The following FAT4 variants were observed in gnomAD, a reference collection of about 807,000 sequenced individuals.
The protein encoded by FAT4 is FAT atypical cadherin 4, also known as protocadherin Fat 4.
FAT4 carries 84 observed loss-of-function variants against 303.9 expected under a neutral mutation model. The ratio of observed to expected loss-of-function variants is 0.28; its 90% CI spans 0.23 to 0.33. FAT4 has a LOEUF of 0.33. Ranked by LOEUF, FAT4 falls within the 10% of genes least tolerant of loss-of-function variation. The probability of loss-of-function intolerance (pLI) is 1.00; values close to 1 mark genes in which losing one functional copy is unlikely to be tolerated. For synonymous variants in FAT4, 2,307 were observed against 2,298.8 expected, an observed-to-expected ratio of 1.00 and a Z score of -0.10; for missense variants, 6,005 against 6,146.8, an observed-to-expected ratio of 0.98 and a Z score of 0.77.
chr4:125,451,584 C>G lies in FAT4; in HGVS notation c.10574C>G (p.Pro3525Arg). ...SEGEVMENKRPGTLVMTLQST... is the reference protein window; with the variant it reads ...SEGEVMENKRRGTLVMTLQST... The stretch of plus-strand genomic sequence containing the variant: ...GGAGAAGTCATGGAAAACAAACGGC[C>G]AGGCACTTTGGTGATGACCCTTCAG... The change falls in exon 10 of 18, where the codon CCA (proline) becomes CGA (arginine). Residue 3525 changes from proline (P) to arginine (R), a missense_variant. Coordinates refer to ENST00000394329, the MANE Select transcript of FAT4 (RefSeq NM_001291303.3). 2 of 1,614,120 alleles carry G rather than the reference C, an allele frequency of 1.2e-6. No individual in the cohort carries two copies. The highest frequency in any genetic ancestry group is 1.7e-6 in the Non-Finnish European group (2 of 1,180,008).
At chr4:125,402,840 C>T (rs575818736) in intron 3 of FAT4, among the ~76,000 whole-genome samples, 2 of 151,924 alleles carry the variant, frequency 1.3e-5, no homozygotes, top group Non-Finnish European at 2.9e-5. Flanking sequence ...TTAATAAATA[C>T]ATTCTTTGAG....
In FAT4 at chr4:125,415,314, T is replaced by G. The variant is rs1233253779; in HGVS notation, c.6351T>G (p.Val2117=). 1 of 1,613,978 alleles carries G rather than the reference T, an allele frequency of 6.2e-7. No individual in the cohort carries two copies. Among genetic ancestry groups the G allele is most frequent in the Admixed American group, 1.7e-5 (1 of 60,000 alleles). Residue 2117 remains valine, a synonymous_variant, in exon 6 of 18, where the codon GTT becomes GTG. Coordinates refer to ENST00000394329, the MANE Select transcript of FAT4 (RefSeq NM_001291303.3). ...CTGGAGAACTGGACAGAGAAGAAGT[T>G]TCTAATTATACTCTAACAGTGGTGG... ...RLTGELDREE[V]SNYTLTVVAT...
chr4:125,342,384 C>T (rs1264832879), intron 2 of FAT4, among the ~76,000 whole-genome samples: 1 of 151,864 alleles, frequency 6.6e-6, no homozygotes, highest in Non-Finnish European at 1.5e-5. Flanking sequence ...GATTAGAAAG[C>T]TTTTATGGTA....
At chr4:125,331,928 A>G (rs1253596861) in intron 2 of FAT4, among the ~76,000 whole-genome samples, 2 of 152,120 alleles carry the variant, frequency 1.3e-5, no homozygotes, top group African/African-American at 4.8e-5. Flanking sequence ...TTTTGATTTA[A>G]GAGAAGCTTG....
chr4:125,393,377 G>A (rs1560795339), intron 2 of FAT4, among the ~76,000 whole-genome samples: 1 of 152,068 alleles, frequency 6.6e-6, no homozygotes, highest in South Asian at 2.1e-4. Context: ...CCTTTAACTT[G>A]AATATAATCT....
rs775866114 is a variant in FAT4 at position 125,415,494 on chromosome 4, C to T, written c.6531C>T (p.Phe2177=). 1.7e-5 allele frequency: 28 copies of T among 1,613,876 alleles called. No individual in the cohort carries two copies. Among genetic ancestry groups the T allele is most frequent in the Middle Eastern group, 3.3e-4 (2 of 6,082 alleles). ...TLTGTDIIQV[F]AADGDEGTNG... ...CTGGAACAGATATAATACAAGTGTT[C>T]GCAGCAGATGGAGATGAAGGCACAA... The change falls in exon 6 of 18, where the codon TTC becomes TTT. Residue 2177 remains phenylalanine (F), a synonymous_variant. Transcript: ENST00000394329.
chr4:125,405,110 T>C (rs532160567), intron 3 of FAT4, among the ~76,000 whole-genome samples: 2 of 152,238 alleles, frequency 1.3e-5, no homozygotes, highest in East Asian at 3.9e-4. Context: ...AACATCATAT[T>C]GGCACTTGGA....
chr4:125,487,203 G>A (rs970405620), intron 16 of FAT4, 142 bp from the exon 17 acceptor site: 2 of 652,700 alleles, frequency 3.1e-6, no homozygotes, highest in Non-Finnish European at 2.5e-6. Context: ...GACAAAGTGT[G>A]TAAGTATATT....
In FAT4 at chr4:125,319,904, T is replaced by A; in HGVS notation, c.3493T>A (p.Ser1165Thr). The stretch of plus-strand genomic sequence containing the variant: ...AAATACTCATCAGTTTGACAGGGAG[T>A]CTCTTATGAGGCGGAGAGGGACTGC... ...ITNTHQFDRESLMRRRGTAVF... is the reference protein window; with the variant it reads ...ITNTHQFDRETLMRRRGTAVF... Residue 1165 changes from serine (S) to threonine (T), a missense_variant, in exon 2 of 18, where the codon TCT (serine) becomes ACT (threonine). Transcript: ENST00000394329. 1 of 1,613,842 alleles carries A rather than the reference T, an allele frequency of 6.2e-7. No individual in the cohort carries two copies. Among genetic ancestry groups the A allele is most frequent in the Non-Finnish European group, 8.5e-7 (1 of 1,179,984 alleles).
chr4:125,360,933 ATTTT>A (rs1185229717), intron 2 of FAT4, among the ~76,000 whole-genome samples: 2 of 93,036 alleles, frequency 2.1e-5, no homozygotes, highest in Non-Finnish European at 4.8e-5. Flanking sequence ...TTATTTATTT[ATTTT>A]ATTATTTTTA....
In FAT4 at chr4:125,450,606, A is replaced by G. The variant is rs377635696; in HGVS notation, c.9596A>G (p.Asp3199Gly). 6.2e-7 allele frequency: 1 copy of G among 1,614,136 alleles called. No homozygotes were observed. The highest frequency in any genetic ancestry group is 1.7e-5 in the Admixed American group (1 of 60,010). Residue 3199 changes from aspartate to glycine, a missense_variant, in exon 10 of 18, where the codon GAT (aspartate) becomes GGT (glycine). By Grantham distance (94) the Asp-to-Gly change is moderately conservative (BLOSUM62 -1). Coordinates refer to ENST00000394329, the MANE Select transcript of FAT4 (RefSeq NM_001291303.3). ...GATAATTCTCCAGTATTCCTCTCTG[A>G]TGACTATTTCCCTACTGTTTTGGAA... ...VNDNSPVFLSDDYFPTVLENA... is the reference protein window; with the variant it reads ...VNDNSPVFLSGDYFPTVLENA...
chr4:125,361,304 CA>C (rs1732656729), intron 2 of FAT4, among the ~76,000 whole-genome samples: 1 of 152,002 alleles, frequency 6.6e-6, no homozygotes, highest in South Asian at 2.1e-4. Context: ...TATGGCATGA[CA>C]GTGAAAGCAG....
In FAT4 at chr4:125,318,079, C is replaced by T; in HGVS notation, c.1668C>T (p.Asp556=). ...SQIVLNISAR[D]QGVHPKVSYA... is the part of the protein sequence containing the mutation. ...TTGTTCTGAATATAAGTGCCCGGGA[C>T]CAGGGAGTTCACCCCAAGGTGTCCT... Residue 556 remains aspartate, a synonymous_variant, in exon 2 of 18, where the codon GAC becomes GAT. Transcript: ENST00000394329. 1 of 1,614,088 alleles carries T rather than the reference C, an allele frequency of 6.2e-7. No homozygotes were observed. The highest frequency in any genetic ancestry group is 8.5e-7 in the Non-Finnish European group (1 of 1,180,026).
chr4:125,392,131 A>G (rs1419522451), intron 2 of FAT4, among the ~76,000 whole-genome samples: 2 of 152,156 alleles, frequency 1.3e-5, no homozygotes, highest in African/African-American at 4.8e-5. Flanking sequence ...ACAAAATACT[A>G]TTATTGAAAT....
chr4:125,351,932 G>A (rs1243908495), intron 2 of FAT4, among the ~76,000 whole-genome samples: 1 of 151,640 alleles, frequency 6.6e-6, no homozygotes, highest in Non-Finnish European at 1.5e-5. Context: ...GTAGGCACAG[G>A]ATTTAAGGCA....
intron 16 of FAT4, among the ~76,000 whole-genome samples, chr4:125,482,397 C>T (rs1007517132): frequency 6.6e-6 from 1 of 152,158 alleles, no homozygotes; most frequent in African/African-American, 2.4e-5. Context: ...AAATAAGATA[C>T]TAGACTTATA....
At chr4:125,402,844 C>A (rs920823341) in intron 3 of FAT4, among the ~76,000 whole-genome samples, 6 of 151,890 alleles carry the variant, frequency 4.0e-5, no homozygotes, top group South Asian at 2.1e-4. Context: ...TAAATACATT[C>A]TTTGAGGTTA....
Position 125,487,473 on chromosome 4 carries a change from A to T in FAT4, c.12951A>T (p.Ala4317=). The T allele has an allele frequency of 6.2e-7, 1 of 1,614,116 alleles. No homozygotes were observed. The highest frequency in any genetic ancestry group is 8.5e-7 in the Non-Finnish European group (1 of 1,179,992). Residue 4317 remains alanine (A), a synonymous_variant, in exon 17 of 18, where the codon GCA becomes GCT. Coordinates refer to ENST00000394329, the MANE Select transcript of FAT4 (RefSeq NM_001291303.3). Reference sequence around the variant, plus strand: ...TTCTAATTGGGAAAAATGGAACAGCAACAGTATTGTCTGTTGACAGAATAT... The same window carrying T: ...TTCTAATTGGGAAAAATGGAACAGCTACAGTATTGTCTGTTGACAGAATAT... ...HTFLIGKNGT[A]TVLSVDRIYN...
intron 2 of FAT4, 58 bp from the exon 3 acceptor site, chr4:125,398,726 A>G (rs1734272523): frequency 1.3e-6 from 2 of 1,552,008 alleles, no homozygotes; most frequent in African/African-American, 2.7e-5. Context: ...AGTCATTTTA[A>G]TTGGTATCTT....
Sources: allele counts gnomAD v4.1 joint callset (sites outside exome capture counted in the v4.1 genomes callset), GRCh38; gene constraint gnomAD v4.1.1; transcripts MANE v1.5; gene names NCBI Gene and HGNC (gene_info 2026-07-23, HGNC 2026-07-21).